Variants in POTEH observed in about 807,000 individuals in gnomAD.
POTEH encodes the protein ANKRD26-like family C member 3.
A neutral mutation model predicts 41.7 loss-of-function variants in POTEH; 6 were observed. The ratio of observed to expected loss-of-function variants is 0.14; its 90% CI spans 0.08 to 0.28. POTEH has a LOEUF of 0.28. POTEH is among the 10% of genes least tolerant of loss of function. The pLI is 1.00. For synonymous variants in POTEH, 38 were observed against 179.9 expected (o/e 0.21, Z 6.31); for missense variants, 115 against 533.5 (o/e 0.22, Z 7.73).
Position 15,690,206 on chromosome 22 carries a change from G to T in POTEH, c.129G>T (p.Val43=), listed in dbSNP as rs766280390. The change falls in exon 1 of 11, where the codon GTG becomes GTT. Residue 43 remains valine, a synonymous_variant. Transcript: ENST00000343518. ...AWCRGSGKSN[V]GTSGDHDDSA... Reference sequence around the variant, plus strand: ...GCAGGGGGAGCGGCAAGAGCAACGTGGGCACTTCTGGAGACCACGACGATT... The same window carrying T: ...GCAGGGGGAGCGGCAAGAGCAACGTTGGCACTTCTGGAGACCACGACGATT... 2 of 1,362,502 alleles carry T rather than the reference G, an allele frequency of 1.5e-6. No individual in the cohort carries two copies. The highest frequency in any genetic ancestry group is 1.2e-5 in the South Asian group (1 of 83,730). The allele number at this position is 1,362,502 out of a possible 1,614,324, so 84.4% of individuals were successfully genotyped here.
Position 15,717,090 on chromosome 22 carries a change from G to A in POTEH, c.1521-2570G>A, listed in dbSNP as rs560123306. ...TACCCAGTCTCGGGTATGTACATACGTATATGTGTGAGTGTATATACACAC... is the reference window on the plus strand; with the variant it reads ...TACCCAGTCTCGGGTATGTACATACATATATGTGTGAGTGTATATACACAC... On this transcript the variant is annotated intron_variant, in intron 9 of 10. Transcript: ENST00000343518. Among the ~76,000 whole-genome samples, 9 of 83,070 alleles carry A rather than the reference G, an allele frequency of 1.1e-4. 3 individuals carry two copies. The East Asian group carries it at 3.6e-3, about 33-fold the overall frequency. 54.5% of individuals were successfully genotyped at this position (83,070 alleles called of 152,430 possible). A position where few individuals can be genotyped will look rare whatever the true frequency, so the allele number is the denominator to read the frequency against.
Position 15,690,237 on chromosome 22 carries a change from A to T in POTEH, c.160A>T (p.Met54Leu), listed in dbSNP as rs779675890. 6 of 1,405,140 alleles carry T rather than the reference A, an allele frequency of 4.3e-6. No homozygotes were observed. The highest frequency in any genetic ancestry group is 1.6e-5 in the African/African-American group (1 of 61,778). 87.0% of individuals were successfully genotyped at this position (1,405,140 alleles called of 1,614,324 possible). ...TTCTGGAGACCACGACGATTCTGCTATGAAGACACTCAGGAGCAAGATGGG... is the reference window on the plus strand; with the variant it reads ...TTCTGGAGACCACGACGATTCTGCTTTGAAGACACTCAGGAGCAAGATGGG... ...GTSGDHDDSAMKTLRSKMGKW... is the reference protein window; with the variant it reads ...GTSGDHDDSALKTLRSKMGKW... The change falls in exon 1 of 11, where the codon ATG becomes TTG. Residue 54 changes from methionine to leucine, a missense_variant. By Grantham distance (15) the Met-to-Leu change is conservative (BLOSUM62 2). Transcript: ENST00000343518.
chr22:15,692,660 C>A, intron 1 of POTEH, among the ~76,000 whole-genome samples: 1 of 110,086 alleles, frequency 9.1e-6, no homozygotes, highest in African/African-American at 3.5e-5. Flanking sequence ...GAGGCTGAAG[C>A]AAGAGAATTG....
At chr22:15,711,594 A>G (rs1248114536) in intron 9 of POTEH, among the ~76,000 whole-genome samples, 2 of 151,562 alleles carry the variant, frequency 1.3e-5, no homozygotes, top group Non-Finnish European at 2.9e-5. Flanking sequence ...TGAAAAAGAC[A>G]TTTCATACAC....
intron 7 of POTEH, among the ~76,000 whole-genome samples, chr22:15,708,541 A>AAT (rs1491587507): frequency 7.9e-6 from 1 of 127,170 alleles, no homozygotes; most frequent in Non-Finnish European, 1.6e-5. Context: ...AAAAAAAAAA[A>AAT]ATATTTTAAT....
chr22:15,696,030 C>T (rs12627974), intron 3 of POTEH, among the ~76,000 whole-genome samples: 3 of 56,818 alleles, frequency 5.3e-5, no homozygotes, highest in Non-Finnish European at 7.6e-5. Flanking sequence ...AATGCACTTG[C>T]GGTAAATACT....
At position 15,691,979 on chromosome 22, in the gene POTEH, C is replaced by A. The variant is rs1344486557; in HGVS notation, c.632+1270C>A. Among the ~76,000 whole-genome samples the A allele has an allele frequency of 2.1e-4, 19 of 90,228 alleles. No individual in the cohort carries two copies. In the South Asian group the frequency reaches 5.8e-3, roughly 28 times the overall value. The allele number at this position is 90,228 out of a possible 152,430, so 59.2% of individuals were successfully genotyped here. On this transcript the variant is annotated intron_variant, in intron 1 of 10. Coordinates refer to ENST00000343518, the MANE Select transcript of POTEH (RefSeq NM_001136213.1). ...AAACACAAGTGCCTATTTACATATG[C>A]AGATACATATATATATATATATATA...
In POTEH at chr22:15,705,353, CTTTTTTT is replaced by C. The variant is rs377062560; in HGVS notation, c.1237+2613_1237+2619del. Among the ~76,000 whole-genome samples the C allele has an allele frequency of 2.1e-4, 3 of 14,298 alleles. 1 individual carries two copies. Among genetic ancestry groups the C allele is most frequent in the Non-Finnish European group, 3.7e-4 (3 of 8,026 alleles). The allele number at this position is 14,298 out of a possible 152,430, so 9.4% of individuals were successfully genotyped here. ...CAATTACTCGTTTTAATATGTTGGCCTTTTTTTTTTTTTTTTTTTTTTGGTGTTATGC... is the reference window on the plus strand; with the variant it reads ...CAATTACTCGTTTTAATATGTTGGCCTTTTTTTTTTTTTTTGGTGTTATGC... On this transcript the variant is annotated intron_variant, in intron 6 of 10. Coordinates refer to ENST00000343518, the MANE Select transcript of POTEH (RefSeq NM_001136213.1).
chr22:15,705,353 C>CTTTTTTTTTTTTTTTTTTTTTTGTTT (rs1989644040), intron 6 of POTEH, among the ~76,000 whole-genome samples: 1 of 14,298 alleles, frequency 7.0e-5, no homozygotes, highest in Admixed American at 9.6e-4. Flanking sequence ...ATATGTTGGC[C>CTTTTTTTTTTTTTTTTTTTTTTGTTT]TTTTTTTTTT....
intron 1 of POTEH, among the ~76,000 whole-genome samples, chr22:15,691,505 G>A (rs1257257023): frequency 9.5e-6 from 1 of 104,962 alleles, no homozygotes; most frequent in East Asian, 2.3e-4. Flanking sequence ...GAGCCTGGGA[G>A]ACAGAGCAAG....
chr22:15,691,088 A>C (rs1446625558), intron 1 of POTEH, among the ~76,000 whole-genome samples: 3 of 144,348 alleles, frequency 2.1e-5, no homozygotes, highest in African/African-American at 7.5e-5. Context: ...TTCAGGGCTA[A>C]ATATTCTTCA....
chr22:15,714,167 G>T (rs1363197268), intron 9 of POTEH, among the ~76,000 whole-genome samples: 1 of 149,794 alleles, frequency 6.7e-6, no homozygotes, highest in Non-Finnish European at 1.5e-5. Flanking sequence ...TCTACCTGAA[G>T]AATATGTCCA....
In POTEH at chr22:15,717,294, T is replaced by G. The variant is rs1334101721; in HGVS notation, c.1521-2366T>G. Among the ~76,000 whole-genome samples, 3 of 93,270 alleles carry G rather than the reference T, an allele frequency of 3.2e-5. 1 individual carries two copies. Among genetic ancestry groups the G allele is most frequent in the Non-Finnish European group, 4.8e-5 (2 of 41,952 alleles). 61.2% of individuals were successfully genotyped at this position (93,270 alleles called of 152,430 possible). On this transcript the variant is annotated intron_variant, in intron 9 of 10. Coordinates refer to ENST00000343518, the MANE Select transcript of POTEH (RefSeq NM_001136213.1). Reference sequence around the variant, plus strand: ...TGTCTTTGTGAGAGTACGATTTCTTTTGTTTTGTGTAGCTATCCAGAAATG... The same window carrying G: ...TGTCTTTGTGAGAGTACGATTTCTTGTGTTTTGTGTAGCTATCCAGAAATG...
chr22:15,693,010 T>A (rs1441113525), intron 1 of POTEH, among the ~76,000 whole-genome samples: 1 of 125,734 alleles, frequency 8.0e-6, no homozygotes, highest in Non-Finnish European at 1.8e-5. Context: ...CATATAAAGA[T>A]TTCATGAACA....
At chr22:15,693,481 A>G (rs1989378565) in intron 1 of POTEH, among the ~76,000 whole-genome samples, 1 of 152,364 alleles carries the variant, frequency 6.6e-6, no homozygotes, top group East Asian at 1.9e-4. Flanking sequence ...TTATTACATA[A>G]TTACCTTTTC....
Position 15,690,757 on chromosome 22 carries a change from G to A in POTEH, c.632+48G>A. On this transcript the variant is annotated intron_variant, in intron 1 of 10. Transcript: ENST00000343518. ...GAGGTGGGATGTGGGAGGATGATGG[G>A]GACATACCCTCCTGGCCGGGGAGGA... 1.4e-6 allele frequency: 2 copies of A among 1,391,800 alleles called. 1 individual carries two copies. Among genetic ancestry groups the A allele is most frequent in the Non-Finnish European group, 2.0e-6 (2 of 1,004,810 alleles). The allele number at this position is 1,391,800 out of a possible 1,614,324, so 86.2% of individuals were successfully genotyped here. A position where few individuals can be genotyped will look rare whatever the true frequency, so the allele number is the denominator to read the frequency against.
rs1463220981 is a variant in POTEH at position 15,717,232 on chromosome 22, A to G, written c.1521-2428A>G. Among the ~76,000 whole-genome samples the G allele has an allele frequency of 3.3e-5, 3 of 91,088 alleles. 1 individual carries two copies. Among genetic ancestry groups the G allele is most frequent in the African/African-American group, 6.8e-5 (2 of 29,396 alleles). The allele number at this position is 91,088 out of a possible 152,430, so 59.8% of individuals were successfully genotyped here. ...ACTGGCTGATTCCATATCTTTGCATATTGTGAATTGTGCTGCAGTAAACAT... is the reference window on the plus strand; with the variant it reads ...ACTGGCTGATTCCATATCTTTGCATGTTGTGAATTGTGCTGCAGTAAACAT... On this transcript the variant is annotated intron_variant, in intron 9 of 10. Transcript: ENST00000343518.
At chr22:15,714,619 GT>G (rs1301601751) in intron 9 of POTEH, among the ~76,000 whole-genome samples, 1 of 151,558 alleles carries the variant, frequency 6.6e-6, no homozygotes, top group Non-Finnish European at 1.5e-5. Flanking sequence ...CATTACTTCA[GT>G]TTTTTACTTA....
In POTEH at chr22:15,690,188, G is replaced by A; in HGVS notation, c.111G>A (p.Gly37=). The A allele has an allele frequency of 2.9e-6, 4 of 1,361,488 alleles. 1 individual carries two copies. Among genetic ancestry groups the A allele is most frequent in the Non-Finnish European group, 4.1e-6 (4 of 979,432 alleles). The allele number at this position is 1,361,488 out of a possible 1,614,324, so 84.3% of individuals were successfully genotyped here. ...WCRHCFAWCR[G]SGKSNVGTSG... ...GCCACTGCTTCGCCTGGTGCAGGGG[G>A]AGCGGCAAGAGCAACGTGGGCACTT... The change falls in exon 1 of 11, where the codon GGG becomes GGA. Residue 37 remains glycine (G), a synonymous_variant. Transcript: ENST00000343518.
Sources: gnomAD v4.1 joint callset for allele counts (sites outside exome capture counted in the v4.1 genomes callset) on GRCh38, gnomAD v4.1.1 for gene constraint, MANE v1.5 for transcripts, NCBI Gene and HGNC (gene_info 2026-07-23, HGNC 2026-07-21) for gene names.